ERBB4: variants seen among roughly 807,000 people sequenced by gnomAD.
ERBB4 encodes receptor tyrosine-protein kinase erbB-4.
ERBB4 carries 42 observed loss-of-function variants against 158.0 expected under a neutral mutation model. That is an observed-to-expected ratio of 0.27 (90% CI 0.21 to 0.34). The LOEUF is 0.34. ERBB4 is among the 10% of genes least tolerant of loss of function. ERBB4 has a pLI of 1.00. For missense variants in ERBB4, 1,333 were observed against 1,624.1 expected (o/e 0.82, Z 3.08); for synonymous variants, 583 against 558.7 (o/e 1.04, Z -0.61).
intron 3 of ERBB4, among the ~76,000 whole-genome samples, chr2:211,923,616 G>C (rs1024921673): frequency 6.6e-6 from 1 of 152,046 alleles, no homozygotes; most frequent in African/African-American, 2.4e-5. Flanking sequence ...GAGGGGAAAA[G>C]GTTCAACTGG....
chr2:212,395,825 G>T (rs763927831), intron 1 of ERBB4, among the ~76,000 whole-genome samples: 1 of 151,900 alleles, frequency 6.6e-6, no homozygotes, highest in Non-Finnish European at 1.5e-5. Context: ...CACCATGTTG[G>T]CCAGGATGGT....
chr2:212,318,286 T>C (rs537207673), intron 1 of ERBB4, among the ~76,000 whole-genome samples: 72 of 151,704 alleles, frequency 4.7e-4, no homozygotes, highest in African/African-American at 1.7e-3. Context: ...TATTGTTAAA[T>C]TGGAGGTATT....
At chr2:212,066,127 G>A (rs2077939824) in intron 2 of ERBB4, among the ~76,000 whole-genome samples, 1 of 151,776 alleles carries the variant, frequency 6.6e-6, no homozygotes, top group African/African-American at 2.4e-5. Flanking sequence ...TTACTCATTC[G>A]ATTAGGCCTC....
chr2:211,993,523 A>T (rs865929230), intron 2 of ERBB4, among the ~76,000 whole-genome samples: 41 of 152,228 alleles, frequency 2.7e-4, no homozygotes, highest in African/African-American at 9.9e-4. Flanking sequence ...AGATAGGAAG[A>T]AGGATGACAA....
chr2:211,463,384 A>T (rs947095317), intron 20 of ERBB4, among the ~76,000 whole-genome samples: 2 of 152,140 alleles, frequency 1.3e-5, no homozygotes, highest in Non-Finnish European at 2.9e-5. Flanking sequence ...GATTTTACTA[A>T]TACTACTTCT....
chr2:212,447,774 T>TTGTGTG (rs3040357), intron 1 of ERBB4, among the ~76,000 whole-genome samples: 7,727 of 147,110 alleles, frequency 0.053, 265 homozygotes, highest in African/African-American at 0.092. Context: ...TCATAAAAGA[T>TTGTGTG]TGTGTGTGTG....
At chr2:211,858,960 T>G in intron 3 of ERBB4, among the ~76,000 whole-genome samples, 1 of 152,190 alleles carries the variant, frequency 6.6e-6, no homozygotes. Context: ...TTTTGTATTT[T>G]TAATAGAGAC....
At chr2:211,770,767 C>G (rs746281684) in intron 4 of ERBB4, among the ~76,000 whole-genome samples, 2 of 152,118 alleles carry the variant, frequency 1.3e-5, no homozygotes, top group African/African-American at 4.8e-5. Flanking sequence ...CCAAATCAGG[C>G]TCTTAATACC....
At chr2:212,336,496 T>C (rs1423200181) in intron 1 of ERBB4, among the ~76,000 whole-genome samples, 1 of 152,042 alleles carries the variant, frequency 6.6e-6, no homozygotes, top group Admixed American at 6.6e-5. Context: ...TACTGGTTTG[T>C]AGGTATTTGA....
chr2:211,686,319 T>C (rs1343168056), intron 12 of ERBB4, among the ~76,000 whole-genome samples: 1 of 152,160 alleles, frequency 6.6e-6, no homozygotes, highest in Non-Finnish European at 1.5e-5. Flanking sequence ...CAGAAACAAG[T>C]GTTAAAATTT....
intron 2 of ERBB4, among the ~76,000 whole-genome samples, chr2:212,036,691 C>T (rs1043025755): frequency 2.8e-4 from 43 of 152,124 alleles, no homozygotes; most frequent in Non-Finnish European, 7.4e-5. Context: ...CTCTTGATCT[C>T]CTGACCTCGT....
At chr2:211,680,440 T>C (rs12470629) in intron 12 of ERBB4, among the ~76,000 whole-genome samples, 63,013 of 151,986 alleles carry the variant, frequency 0.41, 14,252 homozygotes, top group East Asian at 0.9. Flanking sequence ...GATTAAAACA[T>C]CAAAATCAAC....
intron 1 of ERBB4, among the ~76,000 whole-genome samples, chr2:212,215,341 A>T (rs1382066763): frequency 6.6e-6 from 1 of 151,570 alleles, no homozygotes; most frequent in Non-Finnish European, 1.5e-5. Context: ...TGTACATTGA[A>T]AAATTTAGAG....
At chr2:212,457,816 C>A (rs1468705724) in intron 1 of ERBB4, among the ~76,000 whole-genome samples, 1 of 151,960 alleles carries the variant, frequency 6.6e-6, no homozygotes. Context: ...TTTGCACTAA[C>A]ATCCTGGAAT....
intron 1 of ERBB4, among the ~76,000 whole-genome samples, chr2:212,433,631 A>T (rs2092077177): frequency 6.6e-6 from 1 of 152,020 alleles, no homozygotes; most frequent in Admixed American, 6.6e-5. Flanking sequence ...CAAGAAAAAA[A>T]TAGGTCCTTC....
intron 3 of ERBB4, among the ~76,000 whole-genome samples, chr2:211,824,799 A>C (rs1390883491): frequency 1.3e-5 from 2 of 151,938 alleles, no homozygotes; most frequent in East Asian, 3.8e-4. Flanking sequence ...TCCTACTTTC[A>C]ATGTTCTCTG....
At chr2:212,015,104 ATATAT>A (rs2076495680) in intron 2 of ERBB4, among the ~76,000 whole-genome samples, 1 of 84,428 alleles carries the variant, frequency 1.2e-5, no homozygotes, top group African/African-American at 5.2e-5. Flanking sequence ...ATATATATAT[ATATAT>A]ATAAAAATTA....
intron 2 of ERBB4, among the ~76,000 whole-genome samples, chr2:211,959,251 G>T (rs1218676140): frequency 6.6e-6 from 1 of 152,012 alleles, no homozygotes; most frequent in Non-Finnish European, 1.5e-5. Context: ...AATAGACATG[G>T]TTCTTAATCT....
intron 3 of ERBB4, among the ~76,000 whole-genome samples, chr2:211,932,476 T>C (rs1220253457): frequency 1.3e-5 from 2 of 151,934 alleles, no homozygotes; most frequent in Non-Finnish European, 1.5e-5. Context: ...AATTTTATTA[T>C]TTTTTCCAAA....
Sources: gnomAD v4.1 joint callset for allele counts (sites outside exome capture counted in the v4.1 genomes callset) on GRCh38, gnomAD v4.1.1 for gene constraint, MANE v1.5 for transcripts, NCBI Gene and HGNC (gene_info 2026-07-23, HGNC 2026-07-21) for gene names.